TXNRD2: variants seen among roughly 807,000 people sequenced by gnomAD.
TXNRD2 encodes the protein thioredoxin reductase 2, mitochondrial.
A neutral mutation model predicts 70.8 loss-of-function variants in TXNRD2; 67 were observed. The ratio of observed to expected loss-of-function variants is 0.95; its 90% CI spans 0.78 to 1.16. TXNRD2 has a LOEUF of 1.16. Ranked by LOEUF, TXNRD2 falls within the 50% of genes most tolerant of loss-of-function variation. The pLI, the probability that TXNRD2 is intolerant of heterozygous loss-of-function variation, is 0.00. For missense variants in TXNRD2, 644 were observed against 719.9 expected, an observed-to-expected ratio of 0.89 and a Z score of 1.21; for synonymous variants, 301 against 295.8, an observed-to-expected ratio of 1.02 and a Z score of -0.18.
intron 2 of TXNRD2, 35 bp from the exon 3 acceptor site, chr22:19,919,634 G>A: frequency 6.6e-7 from 1 of 1,525,420 alleles, no homozygotes; most frequent in Non-Finnish European, 8.8e-7. Flanking sequence ...GTGAGCATGG[G>A]GAGCTGGCTC....
chr22:19,933,491 C>T, intron 1 of TXNRD2: 1 of 1,289,652 alleles, frequency 7.8e-7, no homozygotes, highest in Non-Finnish European at 1.0e-6. Context: ...GTTAGGTCAT[C>T]CTGCCCTGCA....
chr22:19,924,362 C>T (rs776493512), intron 2 of TXNRD2, among the ~76,000 whole-genome samples: 1 of 152,166 alleles, frequency 6.6e-6, no homozygotes, highest in Non-Finnish European at 1.5e-5. Context: ...GCAGATTCCA[C>T]CACCCCCCGC....
chr22:19,877,065 C>T lies in TXNRD2; in HGVS notation c.*40G>A, dbSNP rs756175514. On this transcript the variant is annotated 3_prime_UTR_variant, in exon 17 of 18. Transcript: ENST00000400521. The stretch of plus-strand genomic sequence containing the variant: ...CTGGGTCTGGCCTCCGAGGAGCTGG[C>T]GGCGGGCGCACCGTGTGCCCTGGCC... 22 of 1,570,376 alleles carry T rather than the reference C, an allele frequency of 1.4e-5. No individual in the cohort carries two copies. In the South Asian group the frequency reaches 1.5e-4, roughly 10 times the overall value.
At chr22:19,932,537 C>A in intron 1 of TXNRD2, 1 of 1,523,842 alleles carries the variant, frequency 6.6e-7, no homozygotes, top group Non-Finnish European at 8.8e-7. Flanking sequence ...GTACACTGAA[C>A]TGGGCCTGAG....
intron 11 of TXNRD2, 40 bp downstream of exon 11, chr22:19,895,367 G>A: frequency 6.2e-7 from 1 of 1,613,198 alleles, no homozygotes; most frequent in Non-Finnish European, 8.5e-7. Context: ...TGCACCTCGG[G>A]GAGACCAGAG....
intron 11 of TXNRD2, among the ~76,000 whole-genome samples, chr22:19,893,253 C>T (rs949903004): frequency 2.0e-5 from 3 of 152,204 alleles, no homozygotes; most frequent in Non-Finnish European, 1.5e-5. Context: ...TGGCTCTGAT[C>T]TTGGGCTCTC....
chr22:19,928,922 C>T (rs1034147772), intron 2 of TXNRD2, among the ~76,000 whole-genome samples: 1 of 151,400 alleles, frequency 6.6e-6, no homozygotes, highest in Non-Finnish European at 1.5e-5. Context: ...AGGAGAATCG[C>T]TTGAACCCAG....
chr22:19,882,109 G>A (rs1399422978), intron 12 of TXNRD2, among the ~76,000 whole-genome samples: 4 of 152,178 alleles, frequency 2.6e-5, no homozygotes, highest in African/African-American at 4.8e-5. Context: ...GTCACATGAC[G>A]ATGAGGCAGA....
chr22:19,892,229 T>C (rs1241721955), intron 11 of TXNRD2, among the ~76,000 whole-genome samples: 7 of 152,370 alleles, frequency 4.6e-5, no homozygotes, highest in South Asian at 2.1e-4. Flanking sequence ...GAAATAAAGC[T>C]TGGTTAAAGG....
chr22:19,912,618 A>T (rs1355249745), intron 7 of TXNRD2, among the ~76,000 whole-genome samples: 1 of 152,196 alleles, frequency 6.6e-6, no homozygotes, highest in East Asian at 1.9e-4. Flanking sequence ...CCATGAGCCC[A>T]GCTGCCAGGA....
Position 19,899,071 on chromosome 22 carries a change from G to C in TXNRD2, c.663-3C>G, listed in dbSNP as rs778588418. ...TACAGCTGGCCCCGACCACCAACCT[G>C]TTAGAGAAACAGAGAGAGAGCACAT... On this transcript the variant is annotated splice_region_variant and splice_polypyrimidine_tract_variant and intron_variant, in intron 8 of 17. Transcript: ENST00000400521. 2 of 1,607,388 alleles carry C rather than the reference G, an allele frequency of 1.2e-6. No individual in the cohort carries two copies. Among genetic ancestry groups the C allele is most frequent in the Admixed American group, 1.7e-5 (1 of 60,018 alleles).
chr22:19,883,589 G>C (rs1469435968), intron 11 of TXNRD2, 128 bp from the exon 12 acceptor site: 3 of 1,364,092 alleles, frequency 2.2e-6, no homozygotes, highest in Non-Finnish European at 3.1e-6. Flanking sequence ...TGTAATCCCA[G>C]CACTGTAGGA....
intron 16 of TXNRD2, 75 bp from the exon 17 acceptor site, chr22:19,877,309 G>A (rs1425310075): frequency 1.4e-6 from 2 of 1,400,546 alleles, no homozygotes; most frequent in Non-Finnish European, 2.0e-6. Flanking sequence ...CCCCCGGGAA[G>A]AGGAGGGCCT....
In TXNRD2 at chr22:19,882,962, C is replaced by T. The variant is rs144939799; in HGVS notation, c.1086+363G>A. ...GCCTCTCAACCCTGTGGGGACAGGA[C>T]GGCCCCAAGGCCATGGTGGCATTTC... is the stretch of plus-strand genomic sequence containing the variant. On this transcript the variant is annotated intron_variant, in intron 12 of 17. Coordinates refer to ENST00000400521, the MANE Select transcript of TXNRD2 (RefSeq NM_006440.5). Among the ~76,000 whole-genome samples the T allele has an allele frequency of 3.4e-4, 52 of 152,358 alleles. 1 individual carries two copies. In the East Asian group the frequency reaches 8.3e-3, roughly 24 times the overall value.
intron 8 of TXNRD2, 128 bp from the exon 9 acceptor site, chr22:19,899,196 A>T (rs1939659205): frequency 8.2e-7 from 1 of 1,226,614 alleles, no homozygotes; most frequent in African/African-American, 1.5e-5. Flanking sequence ...GTTACTGTTC[A>T]AACAGCTTGC....
chr22:19,921,829 C>T (rs1436515408), intron 2 of TXNRD2, among the ~76,000 whole-genome samples: 3 of 152,178 alleles, frequency 2.0e-5, no homozygotes, highest in Non-Finnish European at 4.4e-5. Flanking sequence ...CTGGAGGGGA[C>T]AGAGCCCACA....
intron 5 of TXNRD2, chr22:19,916,210 A>C (rs4819850): frequency 3.2e-6 from 1 of 310,618 alleles, no homozygotes; most frequent in African/African-American, 2.2e-5. Context: ...TGTGGTGCCC[A>C]CCAGATGGTG....
rs769258408 is a variant in TXNRD2 at position 19,877,169 on chromosome 22, A to G, written c.1511T>C (p.Val504Ala). The change falls in exon 17 of 18, where the codon GTA (valine) becomes GCA (alanine). Residue 504 changes from valine (V) to alanine (A), a missense_variant. Around this residue, in one of 3 missense-constraint regions of TXNRD2, gnomAD observed 566 missense variants for 645.0 expected, o/e 0.88. Coordinates refer to ENST00000400521, the MANE Select transcript of TXNRD2 (RefSeq NM_006440.5). ...VGIHPTCSEE[V>A]VKLRISKRSG... ...GCGCTTGGAGATGCGCAGCTTGACTACCTCCTCAGAGCATGTGGGATGGAT... is the reference window on the plus strand; with the variant it reads ...GCGCTTGGAGATGCGCAGCTTGACTGCCTCCTCAGAGCATGTGGGATGGAT... 18 of 1,609,934 alleles carry G rather than the reference A, an allele frequency of 1.1e-5. No homozygotes were observed. Among genetic ancestry groups the G allele is most frequent in the African/African-American group, 2.7e-5 (2 of 74,682 alleles).
At chr22:19,921,503 C>A (rs955290044) in intron 2 of TXNRD2, among the ~76,000 whole-genome samples, 5 of 152,074 alleles carry the variant, frequency 3.3e-5, no homozygotes, top group African/African-American at 1.2e-4. Context: ...TTACCCTCCC[C>A]CTGAAGCAAC....
Sources: gnomAD v4.1 joint callset for allele counts (sites outside exome capture counted in the v4.1 genomes callset) on GRCh38, gnomAD v4.1.1 for gene constraint, gnomAD v4.1.1 regional missense constraint, MANE v1.5 for transcripts, NCBI Gene and HGNC (gene_info 2026-07-23, HGNC 2026-07-21) for gene names.